ANKFY1: variants seen among roughly 807,000 people sequenced by gnomAD.
ANKFY1 encodes ankyrin repeat and FYVE domain-containing protein 1.
A neutral mutation model predicts 128.3 loss-of-function variants in ANKFY1; 47 were observed. The ratio of observed to expected loss-of-function variants is 0.37; its 90% CI spans 0.29 to 0.47. ANKFY1 has a LOEUF of 0.47. Ranked by LOEUF, ANKFY1 falls within the 20% of genes least tolerant of loss-of-function variation. The pLI, the probability that ANKFY1 is intolerant of heterozygous loss-of-function variation, is 1.00. For missense variants in ANKFY1, 1,222 were observed against 1,510.6 expected, an observed-to-expected ratio of 0.81 and a Z score of 3.17; for synonymous variants, 553 against 601.6, an observed-to-expected ratio of 0.92 and a Z score of 1.18.
chr17:4,187,106 C>T, intron 11 of ANKFY1: 1 of 905,318 alleles, frequency 1.1e-6, no homozygotes, highest in Non-Finnish European at 1.4e-6. Flanking sequence ...GTCACCTGAG[C>T]AGTGTACACT....
At chr17:4,255,588 C>T (rs1179532599) in intron 1 of ANKFY1, among the ~76,000 whole-genome samples, 2 of 152,082 alleles carry the variant, frequency 1.3e-5, no homozygotes, top group Admixed American at 1.3e-4. Context: ...GACTTTATAC[C>T]TATTCTGCTT....
chr17:4,237,251 C>T (rs1161217620), intron 2 of ANKFY1, among the ~76,000 whole-genome samples: 2 of 152,226 alleles, frequency 1.3e-5, no homozygotes, highest in South Asian at 2.1e-4. Context: ...TTGAAAGTAT[C>T]GGCAATTCTA....
Position 4,169,305 on chromosome 17 carries a change from A to C in ANKFY1, c.3287-17T>G, listed in dbSNP as rs1300310537. The stretch of plus-strand genomic sequence containing the variant: ...ACAGCATATCTGCAACACAGGGGGG[A>C]GGCCCGGTCCCGTCAAACCGCGACG... On this transcript the variant is annotated splice_polypyrimidine_tract_variant and intron_variant, in intron 23 of 24. Transcript: ENST00000341657. The surrounding 1 kb of genome is among the most constrained non-coding windows in gnomAD (Gnocchi z 5.0). The C allele has an allele frequency of 2.6e-6, 4 of 1,537,258 alleles. No individual in the cohort carries two copies. Among genetic ancestry groups the C allele is most frequent in the East Asian group, 2.5e-5 (1 of 40,632 alleles).
At chr17:4,227,975 A>C (rs1256012249) in intron 3 of ANKFY1, among the ~76,000 whole-genome samples, 3 of 152,220 alleles carry the variant, frequency 2.0e-5, no homozygotes. Flanking sequence ...TCTTAACATT[A>C]AACAGTCCCT....
At chr17:4,256,425 C>T (rs1377778722) in intron 1 of ANKFY1, among the ~76,000 whole-genome samples, 1 of 151,942 alleles carries the variant, frequency 6.6e-6, no homozygotes, top group African/African-American at 2.4e-5. Flanking sequence ...GAGACTCCAT[C>T]TCAAAAAAAG....
chr17:4,257,708 ATTTCT>A (rs1968198547), intron 1 of ANKFY1, among the ~76,000 whole-genome samples: 1 of 152,200 alleles, frequency 6.6e-6, no homozygotes, highest in Admixed American at 6.5e-5. Context: ...CTCATATACA[ATTTCT>A]TTTATCTCCC....
At chr17:4,187,770 C>G (rs541298163) in intron 11 of ANKFY1, 1 of 152,588 alleles carries the variant, frequency 6.6e-6, no homozygotes, top group African/African-American at 2.4e-5. Flanking sequence ...CAGGTTCAAG[C>G]GATTCTCCTG....
chr17:4,258,486 T>C (rs988421902), intron 1 of ANKFY1, among the ~76,000 whole-genome samples: 46 of 146,968 alleles, frequency 3.1e-4, no homozygotes, highest in African/African-American at 1.1e-3. Context: ...ATCGCACCAC[T>C]GCACTCCAGC....
chr17:4,243,742 G>C (rs1967379952), intron 1 of ANKFY1, among the ~76,000 whole-genome samples: 1 of 152,180 alleles, frequency 6.6e-6, no homozygotes, highest in Admixed American at 6.5e-5. Flanking sequence ...TAATGGTTCA[G>C]ATGGAGGCAT....
intron 1 of ANKFY1, among the ~76,000 whole-genome samples, chr17:4,254,303 CAAAAAAA>C (rs572606909): frequency 6.1e-5 from 5 of 81,954 alleles, no homozygotes; most frequent in African/African-American, 2.6e-4. Context: ...GACTCCATCT[CAAAAAAA>C]AAAAAAAAAA....
chr17:4,172,743 T>C (rs1293026595), intron 21 of ANKFY1, 63 bp from the exon 22 acceptor site: 70 of 1,585,988 alleles, frequency 4.4e-5, no homozygotes, highest in Non-Finnish European at 5.1e-5. Context: ...ACAAAATAAA[T>C]AGAATTTTCT....
At position 4,224,777 on chromosome 17, in the gene ANKFY1, G is replaced by C. The variant is rs146012042; in HGVS notation, c.323-7659C>G. Reference sequence around the variant, plus strand: ...ATTAGCTTTTCTGTGAACCAGAAGTGGTTTGAGGCAGATCTGTAGTAAATA... The same window carrying C: ...ATTAGCTTTTCTGTGAACCAGAAGTCGTTTGAGGCAGATCTGTAGTAAATA... On this transcript the variant is annotated intron_variant, in intron 3 of 24. Transcript: ENST00000341657. 4.5e-4 allele frequency among the ~76,000 whole-genome samples: 69 copies of C among 152,096 alleles called. 1 individual carries two copies. Among genetic ancestry groups the C allele is most frequent in the African/African-American group, 1.6e-3 (68 of 41,494 alleles).
Position 4,181,197 on chromosome 17 carries a change from G to C in ANKFY1, c.2240+57C>G. Reference sequence around the variant, plus strand: ...TATAGACGGATTTAAAAAGGAAAGAGCCAGTTTGCAACAAGCTCACTAAAA... The same window carrying C: ...TATAGACGGATTTAAAAAGGAAAGACCCAGTTTGCAACAAGCTCACTAAAA... On this transcript the variant is annotated intron_variant, in intron 16 of 24. Coordinates refer to ENST00000341657, the MANE Select transcript of ANKFY1 (RefSeq NM_001330063.2). This position sits in a 1 kb window ranked among gnomAD's most constrained non-coding sequence, Gnocchi z 4.9. 1 of 1,404,208 alleles carries C rather than the reference G, an allele frequency of 7.1e-7. No homozygotes were observed. The highest frequency in any genetic ancestry group is 1.2e-5 in the South Asian group (1 of 86,562). The allele number at this position is 1,404,208 out of a possible 1,614,324, so 87.0% of individuals were successfully genotyped here.
At chr17:4,256,501 C>T (rs556357728) in intron 1 of ANKFY1, among the ~76,000 whole-genome samples, 7 of 152,034 alleles carry the variant, frequency 4.6e-5, no homozygotes, top group South Asian at 4.2e-4. Flanking sequence ...ACTAATGGAA[C>T]GAGGGAGAGA....
intron 1 of ANKFY1, among the ~76,000 whole-genome samples, chr17:4,242,664 AG>A (rs1245407378): frequency 6.6e-6 from 1 of 152,206 alleles, no homozygotes; most frequent in Non-Finnish European, 1.5e-5. Context: ...AGGCCAAAGC[AG>A]GGGGAATCAC....
intron 3 of ANKFY1, 34 bp downstream of exon 3, chr17:4,235,738 G>C: frequency 2.0e-6 from 3 of 1,476,844 alleles, no homozygotes; most frequent in Non-Finnish European, 2.8e-6. Context: ...CCTTCCGCTA[G>C]CAGTTTTGTG....
chr17:4,173,514 C>T, intron 20 of ANKFY1, 70 bp from the exon 21 acceptor site: 1 of 1,398,328 alleles, frequency 7.2e-7, no homozygotes, highest in Non-Finnish European at 1.0e-6. Flanking sequence ...CCTCCTCACC[C>T]TCACAGACCT....
Position 4,178,676 on chromosome 17 carries a change from A to G in ANKFY1, c.2598+181T>C. The G allele has an allele frequency of 1.6e-6, 1 of 641,852 alleles. No individual in the cohort carries two copies. Among genetic ancestry groups the G allele is most frequent in the South Asian group, 1.9e-5 (1 of 52,318 alleles). 39.8% of individuals were successfully genotyped at this position (641,852 alleles called of 1,614,324 possible). Reference sequence around the variant, plus strand: ...CTGTCAGGCGCTGACACACAGGCAGAGGAGCCGGATCTCATCCTGCACGGA... The same window carrying G: ...CTGTCAGGCGCTGACACACAGGCAGGGGAGCCGGATCTCATCCTGCACGGA... On this transcript the variant is annotated intron_variant, in intron 18 of 24. Transcript: ENST00000341657. This position sits in a 1 kb window ranked among gnomAD's most constrained non-coding sequence, Gnocchi z 4.1.
At chr17:4,263,665 C>G (rs1056718845) in intron 1 of ANKFY1, 2 of 1,533,720 alleles carry the variant, frequency 1.3e-6, no homozygotes, top group Non-Finnish European at 1.7e-6. Flanking sequence ...CGCGGCTGCA[C>G]GCAGCACCGG....
Sources: gnomAD v4.1 joint callset for allele counts (sites outside exome capture counted in the v4.1 genomes callset) on GRCh38, gnomAD v4.1.1 for gene constraint, Gnocchi (gnomAD v3.1) non-coding constraint, MANE v1.5 for transcripts, NCBI Gene and HGNC (gene_info 2026-07-23, HGNC 2026-07-21) for gene names.